Variants in ALKAL1 observed in about 807,000 individuals in gnomAD.
ALKAL1 encodes ALK and LTK ligand 1, also known as AUG-beta.
Under a neutral mutation model 13.5 loss-of-function variants are expected in ALKAL1, and 23 were observed. That is an observed-to-expected ratio of 1.70 (90% CI 1.23 to 2.41). The LOEUF is 2.41. Among genes scored for constraint, ALKAL1 ranks in the 30% most tolerant of loss-of-function variants. The pLI, the probability that ALKAL1 is intolerant of heterozygous loss-of-function variation, is 0.00. For synonymous variants in ALKAL1, 85 were observed against 77.7 expected (o/e 1.09, Z -0.49); for missense variants, 181 against 178.4 (o/e 1.01, Z -0.08).
intron 1 of ALKAL1, among the ~76,000 whole-genome samples, chr8:52,558,509 G>A (rs143673984): frequency 4.1e-4 from 63 of 152,044 alleles, no homozygotes; most frequent in African/African-American, 1.4e-3. Flanking sequence ...GTATGTGGTC[G>A]TGTCTCAGCA....
chr8:52,546,079 G>A (rs1302562222), intron 1 of ALKAL1, among the ~76,000 whole-genome samples: 8 of 152,212 alleles, frequency 5.3e-5, no homozygotes. Context: ...AAAAGGAATA[G>A]TAAAAATACA....
At chr8:52,540,392 G>A (rs2150343876) in intron 2 of ALKAL1, among the ~76,000 whole-genome samples, 1 of 152,188 alleles carries the variant, frequency 6.6e-6, no homozygotes, top group East Asian at 1.9e-4. Flanking sequence ...GCCTTGAGAA[G>A]TCCCTTGTCT....
intron 4 of ALKAL1, among the ~76,000 whole-genome samples, chr8:52,536,645 AC>A (rs756409320): frequency 1.3e-5 from 2 of 152,068 alleles, no homozygotes; most frequent in Non-Finnish European, 2.9e-5. Flanking sequence ...TCTGTTTCCT[AC>A]CTACAGTACC....
chr8:52,538,534 A>G, intron 3 of ALKAL1, 27 bp from the exon 4 acceptor site: 1 of 1,442,212 alleles, frequency 6.9e-7, no homozygotes, highest in East Asian at 2.3e-5. Context: ...AAGGTAAATT[A>G]TATATAGAGT....
chr8:52,563,787 G>C (rs1847573281), intron 1 of ALKAL1, among the ~76,000 whole-genome samples: 1 of 152,156 alleles, frequency 6.6e-6, no homozygotes, highest in Non-Finnish European at 1.5e-5. Flanking sequence ...CCACACACCA[G>C]CTGGGCAGCC....
chr8:52,541,684 G>C (rs1383598632), intron 2 of ALKAL1, among the ~76,000 whole-genome samples: 2 of 152,080 alleles, frequency 1.3e-5, no homozygotes, highest in Non-Finnish European at 2.9e-5. Context: ...CAGGAGAATA[G>C]CTTGAACTCG....
At position 52,565,226 on chromosome 8, in the gene ALKAL1, G is replaced by C; in HGVS notation, c.31C>G (p.Pro11Ala). The change falls in exon 1 of 5, where the codon CCC (proline) becomes GCC (alanine). Residue 11 changes from proline to alanine, a missense_variant. Physicochemically the swap from Pro to Ala is conservative, Grantham distance 27. Transcript: ENST00000358543. MRPLKPGAPL[P>A]ALFLLALALS... ...GCCAGCGCCAGCAGGAAGAGTGCGG[G>C]CAAAGGGGCGCCGGGCTTAAGGGGC... 1 of 1,326,800 alleles carries C rather than the reference G, an allele frequency of 7.5e-7. No individual in the cohort carries two copies. Among genetic ancestry groups the C allele is most frequent in the Non-Finnish European group, 9.7e-7 (1 of 1,031,288 alleles). The allele number at this position is 1,326,800 out of a possible 1,614,324, so 82.2% of individuals were successfully genotyped here. A position where few individuals can be genotyped will look rare whatever the true frequency, so the allele number is the denominator to read the frequency against.
chr8:52,558,185 C>G (rs896358923), intron 1 of ALKAL1, among the ~76,000 whole-genome samples: 94 of 140,012 alleles, frequency 6.7e-4, no homozygotes, highest in Middle Eastern at 3.9e-3. Context: ...CACACATATA[C>G]TTTTTTTTTT....
At chr8:52,561,287 GT>G (rs1259597952) in intron 1 of ALKAL1, among the ~76,000 whole-genome samples, 3 of 152,130 alleles carry the variant, frequency 2.0e-5, no homozygotes, top group South Asian at 4.2e-4. Context: ...AGTATGTCTA[GT>G]TTTTTTTAAC....
At chr8:52,539,381 C>A (rs962458671) in intron 3 of ALKAL1, among the ~76,000 whole-genome samples, 1 of 152,036 alleles carries the variant, frequency 6.6e-6, no homozygotes, top group Non-Finnish European at 1.5e-5. Context: ...ATTATAGCAA[C>A]CTTTACATGC....
intron 1 of ALKAL1, among the ~76,000 whole-genome samples, chr8:52,546,888 C>A (rs969343221): frequency 6.6e-6 from 1 of 152,158 alleles, no homozygotes; most frequent in African/African-American, 2.4e-5. Context: ...CTTTTCTTTG[C>A]ACACTGATTA....
At chr8:52,558,068 T>A (rs1325457735) in intron 1 of ALKAL1, among the ~76,000 whole-genome samples, 2 of 148,486 alleles carry the variant, frequency 1.3e-5, no homozygotes. Flanking sequence ...CTGAGGCAGG[T>A]GGATCACTTG....
chr8:52,545,936 G>T (rs1252629551), intron 1 of ALKAL1, among the ~76,000 whole-genome samples: 1 of 152,190 alleles, frequency 6.6e-6, no homozygotes, highest in Non-Finnish European at 1.5e-5. Context: ...AACCTTGGTG[G>T]TAGAGTCTCC....
rs933499185 is a variant in ALKAL1, at chr8:52,565,087, G to C, written c.170C>G (p.Pro57Arg). ...CGTACCTGCGCTCCGGGAGCCGCTG[G>C]GAGTCCGGCCGGCCCCGGCCGCGGG... ...FLPAAGAGRTPSGSRSAEIFP... is the reference protein window; with the variant it reads ...FLPAAGAGRTRSGSRSAEIFP... Residue 57 changes from proline (P) to arginine (R), a missense_variant, in exon 1 of 5, where the codon CCC (proline) becomes CGC (arginine). Transcript: ENST00000358543. 58 of 1,411,836 alleles carry C rather than the reference G, an allele frequency of 4.1e-5. No individual in the cohort carries two copies. Among genetic ancestry groups the C allele is most frequent in the Middle Eastern group, 4.0e-4 (2 of 5,042 alleles). 87.5% of individuals were successfully genotyped at this position (1,411,836 alleles called of 1,614,324 possible).
At chr8:52,550,239 T>A (rs1847416706) in intron 1 of ALKAL1, among the ~76,000 whole-genome samples, 1 of 152,204 alleles carries the variant, frequency 6.6e-6, no homozygotes, top group African/African-American at 2.4e-5. Flanking sequence ...GATAAAAAAG[T>A]AAACTCAAAT....
Position 52,542,429 on chromosome 8 carries a change from G to C in ALKAL1, c.207C>G (p.Asp69Glu). Residue 69 changes from aspartate to glutamate, a missense_variant, in exon 2 of 5, where the codon GAC (aspartate) becomes GAG (glutamate). Asp to Glu is a conservative substitution (Grantham distance 45, BLOSUM62 2). Transcript: ENST00000358543. ...GSRSAEIFPR[D>E]SNLKDKFIKH... ...TTATGAATTTGTCTTTTAAGTTAGA[G>C]TCTCTTGGGAATATTTCTGAAAAGA... 1 of 1,540,766 alleles carries C rather than the reference G, an allele frequency of 6.5e-7. No individual in the cohort carries two copies. Among genetic ancestry groups the C allele is most frequent in the Admixed American group, 1.8e-5 (1 of 56,626 alleles).
chr8:52,536,381 T>G (rs1467543461), intron 4 of ALKAL1, among the ~76,000 whole-genome samples: 1 of 152,202 alleles, frequency 6.6e-6, no homozygotes. Flanking sequence ...AAGAAATATT[T>G]GAAAAGAAAT....
intron 2 of ALKAL1, among the ~76,000 whole-genome samples, chr8:52,541,724 C>A (rs1004319621): frequency 6.6e-6 from 1 of 152,056 alleles, no homozygotes; most frequent in East Asian, 1.9e-4. Context: ...CCACCGCGCT[C>A]CAGCCTGGGC....
chr8:52,560,078 A>C (rs2150348131), intron 1 of ALKAL1, among the ~76,000 whole-genome samples: 1 of 152,252 alleles, frequency 6.6e-6, no homozygotes, highest in South Asian at 2.1e-4. Context: ...GAATAATATA[A>C]TATCAAACTA....
Sources: allele counts gnomAD v4.1 joint callset (sites outside exome capture counted in the v4.1 genomes callset), GRCh38; gene constraint gnomAD v4.1.1; transcripts MANE v1.5; gene names NCBI Gene and HGNC (gene_info 2026-07-23, HGNC 2026-07-21).